The following ABLIM1 variants were observed in gnomAD, a reference collection of about 807,000 sequenced individuals.
ABLIM1 encodes actin binding LIM protein 1.
Under a neutral mutation model 107.0 loss-of-function variants are expected in ABLIM1, and 40 were observed. The observed-to-expected ratio is 0.37, with a 90% confidence interval of 0.29 to 0.49. The LOEUF is 0.49. Among genes scored for constraint, ABLIM1 ranks in the 20% least tolerant of loss-of-function variants. ABLIM1 has a pLI of 0.97. For synonymous variants in ABLIM1, 357 were observed against 357.3 expected (o/e 1.00, Z 0.01); for missense variants, 857 against 1,008.5 (o/e 0.85, Z 2.04).
chr10:114,616,338 C>T (rs2077130426), intron 1 of ABLIM1, among the ~76,000 whole-genome samples: 2 of 152,328 alleles, frequency 1.3e-5, no homozygotes, highest in Admixed American at 1.3e-4. Context: ...CACATGGCTT[C>T]CAGCCTCAAA....
chr10:114,459,134 T>G (rs2063373884), intron 12 of ABLIM1, among the ~76,000 whole-genome samples: 1 of 152,240 alleles, frequency 6.6e-6, no homozygotes, highest in African/African-American at 2.4e-5. Context: ...GGAAGTGGAC[T>G]TGGGCAATGG....
chr10:114,661,060 G>A (rs1183074056), upstream of ABLIM1, among the ~76,000 whole-genome samples: 1 of 152,022 alleles, frequency 6.6e-6, no homozygotes, highest in Non-Finnish European at 1.5e-5. Flanking sequence ...CAAGTTTACA[G>A]ATCCATATAT....
At chr10:114,490,974 ATGTGTGTGTGTGTGTGTGTGTGTG>A (rs140256636) in intron 7 of ABLIM1, among the ~76,000 whole-genome samples, 1 of 99,276 alleles carries the variant, frequency 1.0e-5, no homozygotes, top group African/African-American at 3.9e-5. Flanking sequence ...CGGCATATAT[ATGTGTGTGTGTGTGTGTGTGTGTG>A]TGTGTGTGTG....
chr10:114,482,240 GT>G (rs1555077606), intron 8 of ABLIM1, among the ~76,000 whole-genome samples: 7 of 152,138 alleles, frequency 4.6e-5, no homozygotes, highest in Non-Finnish European at 8.8e-5. Context: ...ACCAGAATAC[GT>G]TTTTCTTAGG....
In ABLIM1 at chr10:114,532,949, G is replaced by A. The variant is rs1430621371; in HGVS notation, c.894+12056C>T. On this transcript the variant is annotated intron_variant, in intron 6 of 22. Coordinates refer to ENST00000533213, the MANE Select transcript of ABLIM1 (RefSeq NM_002313.7). ...AGATACAAGTGGATTAGTAGGGTCA[G>A]TCTTTCAAATGGAGATTAGGTCTGA... Among the ~76,000 whole-genome samples, 4 of 152,344 alleles carry A rather than the reference G, an allele frequency of 2.6e-5. No individual in the cohort carries two copies. In the South Asian group the frequency reaches 6.2e-4, roughly 24 times the overall value.
chr10:114,441,916 T>C lies in ABLIM1; in HGVS notation c.1934-130A>G, dbSNP rs2060258397. 5.2e-6 allele frequency: 4 copies of C among 769,736 alleles called. No homozygotes were observed. The East Asian group carries it at 1.0e-4, about 20-fold the overall frequency. The allele number at this position is 769,736 out of a possible 1,614,324, so 47.7% of individuals were successfully genotyped here. The stretch of plus-strand genomic sequence containing the variant: ...AAATTCAAATCATATTGGGCTCAAA[T>C]GTTCAAAAATATGCCATCATATTTG... On this transcript the variant is annotated intron_variant, in intron 17 of 22. Coordinates refer to ENST00000533213, the MANE Select transcript of ABLIM1 (RefSeq NM_002313.7).
the ABLIM1 span, among the ~76,000 whole-genome samples, chr10:114,777,484 G>T: frequency 6.6e-6 from 1 of 152,064 alleles, no homozygotes. Context: ...CACAAATTTT[G>T]TAATTTTAAT....
intron 2 of ABLIM1, among the ~76,000 whole-genome samples, chr10:114,592,534 T>C (rs1360053773): frequency 2.6e-5 from 4 of 152,102 alleles, no homozygotes; most frequent in Non-Finnish European, 5.9e-5. Flanking sequence ...CTGACCTTTT[T>C]CTAAGGATCA....
At chr10:114,604,249 A>G (rs188218881) in intron 1 of ABLIM1, among the ~76,000 whole-genome samples, 132 of 152,354 alleles carry the variant, frequency 8.7e-4, no homozygotes, top group Non-Finnish European at 9.7e-4. Flanking sequence ...ATCCACGCCC[A>G]GGCCTTTCTG....
chr10:114,687,367 A>T (rs1384144307), upstream of ABLIM1, among the ~76,000 whole-genome samples: 1 of 152,216 alleles, frequency 6.6e-6, no homozygotes, highest in East Asian at 1.9e-4. Context: ...TTTCCATCAC[A>T]GTTTCAAAGA....
upstream of ABLIM1, among the ~76,000 whole-genome samples, chr10:114,688,173 G>T (rs138006846): frequency 2.0e-5 from 3 of 152,120 alleles, no homozygotes; most frequent in Non-Finnish European, 4.4e-5. Context: ...ACACAACTAC[G>T]TCCTCCGTGC....
chr10:114,492,176 C>G (rs2059097761), intron 6 of ABLIM1, among the ~76,000 whole-genome samples: 1 of 151,950 alleles, frequency 6.6e-6, no homozygotes, highest in Admixed American at 6.6e-5. Context: ...CACCATATGC[C>G]TGAGATGAGT....
chr10:114,465,873 A>T, intron 11 of ABLIM1, 46 bp from the exon 12 acceptor site: 2 of 1,601,750 alleles, frequency 1.2e-6, no homozygotes, highest in African/African-American at 2.7e-5. Context: ...ATGCCTCAGT[A>T]GGAACCACGC....
chr10:114,447,160 G>A (rs12764639), intron 15 of ABLIM1, among the ~76,000 whole-genome samples: 409 of 152,202 alleles, frequency 2.7e-3, no homozygotes, highest in Middle Eastern at 6.8e-3. Context: ...TTAGCTTCTG[G>A]GTTTGCTAAT....
At chr10:114,753,514 G>T (rs2082563815) in intron 1 of ABLIM1, among the ~76,000 whole-genome samples, 1 of 152,164 alleles carries the variant, frequency 6.6e-6, no homozygotes, top group African/African-American at 2.4e-5. Context: ...TGAACGTTAT[G>T]CAGTCATAAA....
At chr10:114,710,244 T>C (rs2081519280) in intron 1 of ABLIM1, among the ~76,000 whole-genome samples, 8 of 152,184 alleles carry the variant, frequency 5.3e-5, no homozygotes, top group Admixed American at 5.2e-4. Flanking sequence ...CATGGTGAAA[T>C]CCCATTGTAT....
intron 1 of ABLIM1, among the ~76,000 whole-genome samples, chr10:114,646,780 T>C (rs2079029360): frequency 6.6e-6 from 1 of 152,202 alleles, no homozygotes; most frequent in Admixed American, 6.5e-5. Flanking sequence ...GGTATGTAGA[T>C]ATAGAAGTTA....
upstream of ABLIM1, among the ~76,000 whole-genome samples, chr10:114,660,188 C>T (rs1207047195): frequency 6.6e-6 from 1 of 152,164 alleles, no homozygotes; most frequent in African/African-American, 2.4e-5. Flanking sequence ...CCAAAGTCTT[C>T]CTCTAAAAAC....
intron 12 of ABLIM1, among the ~76,000 whole-genome samples, chr10:114,459,966 T>G (rs2063529241): frequency 6.6e-6 from 1 of 152,236 alleles, no homozygotes; most frequent in African/African-American, 2.4e-5. Context: ...TATAACCATT[T>G]AATATTTCTA....
Sources: gnomAD v4.1 joint callset for allele counts (sites outside exome capture counted in the v4.1 genomes callset) on GRCh38, gnomAD v4.1.1 for gene constraint, MANE v1.5 for transcripts, NCBI Gene and HGNC (gene_info 2026-07-23, HGNC 2026-07-21) for gene names.